NEB: variants seen among roughly 807,000 people sequenced by gnomAD.
The protein encoded by NEB is nebulin, also known as nemaline myopathy type 2.
A neutral mutation model predicts 952.2 loss-of-function variants in NEB; 512 were observed. The ratio of observed to expected loss-of-function variants is 0.54; its 90% confidence interval spans 0.50 to 0.58. NEB has a LOEUF of 0.58. Among genes scored for constraint, NEB ranks in the 20% least tolerant of loss-of-function variants. The probability of loss-of-function intolerance (pLI) is 0.00; values close to 1 mark genes in which losing one functional copy is unlikely to be tolerated. For missense variants in NEB, 8,428 were observed against 9,231.1 expected, an observed-to-expected ratio of 0.91 and a Z score of 3.56; for synonymous variants, 2,900 against 3,149.8, an observed-to-expected ratio of 0.92 and a Z score of 2.66.
chr2:151,612,552 A>T (rs1056203458), intron 77 of NEB, among the ~76,000 whole-genome samples, 163 bp from the exon 78 acceptor site: 1 of 152,244 alleles, frequency 6.6e-6, no homozygotes, highest in Non-Finnish European at 1.5e-5. Context: ...ATGGCTAGTT[A>T]AATGCCTGGC....
At chr2:151,615,970 T>C in intron 76 of NEB, 32 bp downstream of exon 76, 15 of 1,501,306 alleles carry the variant, frequency 1.0e-5, no homozygotes, top group Non-Finnish European at 1.4e-5. Flanking sequence ...CATCTTTGAA[T>C]AAGAAATGGC....
At chr2:151,554,076 T>G (rs1362346247) in intron 125 of NEB, 51 bp from the exon 126 acceptor site, 1 of 1,563,516 alleles carries the variant, frequency 6.4e-7, no homozygotes, top group African/African-American at 1.4e-5. Flanking sequence ...TGCCAAGGCA[T>G]CATGGCCATA....
chr2:151,693,061 C>G (rs1293004593), intron 20 of NEB, among the ~76,000 whole-genome samples: 1 of 152,168 alleles, frequency 6.6e-6, no homozygotes, highest in Non-Finnish European at 1.5e-5. Flanking sequence ...TAAGCACAGT[C>G]CTGGAAGAGT....
At chr2:151,656,847 GA>G (rs34784156) in intron 48 of NEB, among the ~76,000 whole-genome samples, 83 of 146,618 alleles carry the variant, frequency 5.7e-4, no homozygotes, top group Middle Eastern at 3.5e-3. Context: ...CACAGAAGAT[GA>G]AAAAAAAAAG....
intron 102 of NEB, among the ~76,000 whole-genome samples, chr2:151,581,801 A>C (rs867265000): frequency 0.05 from 7,132 of 143,598 alleles, 200 homozygotes; most frequent in Non-Finnish European, 0.056. Flanking sequence ...AATAAGCAAA[A>C]TGAAAAGTTC....
chr2:151,551,689 G>T, intron 129 of NEB, 49 bp downstream of exon 129: 1 of 1,409,456 alleles, frequency 7.1e-7, no homozygotes, highest in Non-Finnish European at 1.0e-6. Flanking sequence ...TTCCACAGAG[G>T]CTGATGGAAC....
intron 55 of NEB, among the ~76,000 whole-genome samples, chr2:151,645,907 C>T (rs571287692): frequency 1.0e-3 from 153 of 152,252 alleles, no homozygotes; most frequent in African/African-American, 3.3e-3. Context: ...TGTATAACAA[C>T]GGACTGCAAG....
chr2:151,531,078 G>A lies in NEB; in HGVS notation c.21546C>T (p.Asn7182=), dbSNP rs149510427. Reference sequence around the variant, plus strand: ...TGGTGTAGCCTCTGGGTTTGGCCTTGTTGTATTCCAATTTATAAAGGATCT... The same window carrying A: ...TGGTGTAGCCTCTGGGTTTGGCCTTATTGTATTCCAATTTATAAAGGATCT... ...ISDILYKLEY[N]KAKPRGYTTI... is the part of the protein sequence containing the mutation. Residue 7182 remains asparagine (N), a synonymous_variant, in exon 145 of 182, where the codon AAC becomes AAT. Coordinates refer to ENST00000397345, the MANE Select transcript of NEB (RefSeq NM_001164508.2). 6.5e-3 allele frequency: 10,487 copies of A among 1,611,652 alleles called. 306 individuals carry two copies. In the East Asian group the frequency reaches 0.088, roughly 13 times the overall value.
At chr2:151,528,228 A>G (rs2087799056) in intron 146 of NEB, among the ~76,000 whole-genome samples, 2 of 152,336 alleles carry the variant, frequency 1.3e-5, no homozygotes, top group African/African-American at 4.8e-5. Context: ...TCTGAGCCAC[A>G]GAAGTGTATG....
intron 13 of NEB, among the ~76,000 whole-genome samples, chr2:151,702,471 A>G (rs1163620131): frequency 6.6e-6 from 1 of 151,968 alleles, no homozygotes; most frequent in Non-Finnish European, 1.5e-5. Context: ...TGGGGTGTTA[A>G]AGTCTCCCAT....
At position 151,633,878 on chromosome 2, in the gene NEB, T is replaced by C. The variant is rs1006378421; in HGVS notation, c.9190A>G (p.Met3064Val). 2 of 1,614,058 alleles carry C rather than the reference T, an allele frequency of 1.2e-6. No individual in the cohort carries two copies. The highest frequency in any genetic ancestry group is 8.5e-7 in the Non-Finnish European group (1 of 1,179,892). The change falls in exon 65 of 182, where the codon ATG (methionine) becomes GTG (valine). Residue 3064 changes from methionine to valine, a missense_variant. Met to Val is a conservative substitution (Grantham distance 21). This residue lies in a region of NEB where 1,772 missense variants were observed against 1,960.3 expected (regional missense o/e 0.90). Coordinates refer to ENST00000397345, the MANE Select transcript of NEB (RefSeq NM_001164508.2). ...IEDDPKMMWS[M>V]HVAKIQSDRE... Reference sequence around the variant, plus strand: ...TCACTCTGGATCTTGGCTACGTGCATGGACCACATCATCTTGGGGTCATCT... The same window carrying C: ...TCACTCTGGATCTTGGCTACGTGCACGGACCACATCATCTTGGGGTCATCT...
chr2:151,526,881 G>C (rs751381939), intron 148 of NEB, 37 bp downstream of exon 148: 4 of 1,392,374 alleles, frequency 2.9e-6, no homozygotes, highest in Non-Finnish European at 4.0e-6. Context: ...ATGGCCCTGA[G>C]TGAGGTTAGG....
rs13031275 is a variant in NEB at position 151,489,980 on chromosome 2, A to C, written c.25395T>G (p.Ser8465=). 0.054 allele frequency: 86,494 copies of C among 1,590,030 alleles called. 2,772 individuals are homozygous for C. Among genetic ancestry groups the C allele is most frequent in the Non-Finnish European group, 0.065 (75,714 of 1,158,124 alleles). ...GTTGTTATTCACTTACTCCAGCAGT[A>C]GATGGATGAGATGGGATGGAAGATA... ...TTVSSIPSHP[S]TAGKIFRAMY... is the part of the protein sequence containing the mutation. Residue 8465 remains serine (S), a synonymous_variant, in exon 181 of 182, where the codon TCT becomes TCG. Coordinates refer to ENST00000397345, the MANE Select transcript of NEB (RefSeq NM_001164508.2).
At chr2:151,690,692 G>T in intron 24 of NEB, 35 bp downstream of exon 24, 1 of 1,457,852 alleles carries the variant, frequency 6.9e-7, no homozygotes, top group South Asian at 1.2e-5. Flanking sequence ...AAAGCACTCT[G>T]GGTCACCCAC....
chr2:151,500,008 A>C (rs2063209716), intron 168 of NEB, among the ~76,000 whole-genome samples: 1 of 152,228 alleles, frequency 6.6e-6, no homozygotes, highest in Non-Finnish European at 1.5e-5. Flanking sequence ...AGATACAAAT[A>C]ATAATATACT....
intron 157 of NEB, 72 bp from the exon 158 acceptor site, chr2:151,515,000 GAA>G (rs969597614): frequency 9.6e-6 from 8 of 837,086 alleles, no homozygotes; most frequent in Non-Finnish European, 1.3e-5. Context: ...ATCTCAGGAA[GAA>G]AAAAAAAACA....
intron 24 of NEB, chr2:151,690,378 G>A (rs778301590): frequency 4.6e-5 from 9 of 193,992 alleles, no homozygotes; most frequent in Non-Finnish European, 8.6e-5. Flanking sequence ...TTCAAGAATC[G>A]GAAATATTTG....
chr2:151,493,430 T>A lies in NEB; in HGVS notation c.24688A>T (p.Asn8230Tyr). 1.2e-6 allele frequency: 2 copies of A among 1,604,686 alleles called. No individual in the cohort carries two copies. Among genetic ancestry groups the A allele is most frequent in the Non-Finnish European group, 1.7e-6 (2 of 1,177,002 alleles). ...ENFSSVLYKE[N>Y]MRKATPTPVT... ...GGTGTCGGAGTTGCTTTTCTCATGT[T>A]CTCTTTGTACAATACCTAGGGAAGC... The change falls in exon 176 of 182, where the codon AAC becomes TAC. Residue 8230 changes from asparagine to tyrosine, a missense_variant. Physicochemically the swap from Asn to Tyr is moderately radical, Grantham distance 143. Transcript: ENST00000397345.
chr2:151,493,558 G>A, intron 175 of NEB, 113 bp from the exon 176 acceptor site: 2 of 749,250 alleles, frequency 2.7e-6, no homozygotes, highest in Non-Finnish European at 4.2e-6. Flanking sequence ...CACACTGAAG[G>A]TAAAGCTATT....
Sources: gnomAD v4.1 joint callset for allele counts (sites outside exome capture counted in the v4.1 genomes callset) on GRCh38, gnomAD v4.1.1 for gene constraint, gnomAD v4.1.1 regional missense constraint, MANE v1.5 for transcripts, NCBI Gene and HGNC (gene_info 2026-07-23, HGNC 2026-07-21) for gene names.